The following RNF41 variants were observed in gnomAD, a reference collection of about 807,000 sequenced individuals.
RNF41 encodes E3 ubiquitin-protein ligase NRDP1.
In RNF41, 4 loss-of-function variants were observed where a neutral mutation model predicts 33.0. The observed-to-expected ratio is 0.12, with a 90% CI of 0.06 to 0.28. The LOEUF (loss-of-function observed/expected upper bound fraction) is 0.28. RNF41 is among the 10% of genes least tolerant of loss of function. RNF41 has a pLI of 1.00. For synonymous variants in RNF41, 164 were observed against 153.2 expected, an observed-to-expected ratio of 1.07 and a Z score of -0.52; for missense variants, 228 against 432.6, an observed-to-expected ratio of 0.53 and a Z score of 4.19.
At chr12:56,219,666 T>TCAC (rs1869193004) in intron 1 of RNF41, among the ~76,000 whole-genome samples, 1 of 9,948 alleles carries the variant, frequency 1.0e-4, no homozygotes, top group Non-Finnish European at 1.4e-3. Flanking sequence ...TATATATGTG[T>TCAC]ATATACACGC....
chr12:56,208,436 CTT>C (rs755952939), intron 4 of RNF41, 138 bp from the exon 5 acceptor site: 23 of 784,716 alleles, frequency 2.9e-5, no homozygotes, highest in Admixed American at 1.6e-4. Context: ...AGGCCTCCCT[CTT>C]GTTTATTCCC....
intron 2 of RNF41, among the ~76,000 whole-genome samples, chr12:56,214,476 C>T (rs557763502): frequency 9.3e-4 from 138 of 148,942 alleles, no homozygotes; most frequent in African/African-American, 3.3e-3. Flanking sequence ...GCCGAGATCG[C>T]GCCACTGCAC....
At chr12:56,217,001 G>A (rs185125309) in intron 1 of RNF41, among the ~76,000 whole-genome samples, 340 of 152,078 alleles carry the variant, frequency 2.2e-3, no homozygotes, top group African/African-American at 7.5e-3. Flanking sequence ...TTAGCTGGGC[G>A]AGGTGGCAGG....
Position 56,202,469 on chromosome 12 carries a change from C to T in RNF41, c.*3978G>A, listed in dbSNP as rs1316276958. On this transcript the variant is annotated 3_prime_UTR_variant, in exon 7 of 7. Coordinates refer to ENST00000345093, the MANE Select transcript of RNF41 (RefSeq NM_005785.4). ...TAGGCTTTGTTCCAGCTACTTAACC[C>T]TGCTGTTGTAATGTGAAAGCAGCCA... The T allele has an allele frequency of 6.6e-6, 1 of 152,142 alleles. No individual in the cohort carries two copies. The highest frequency in any genetic ancestry group is 6.6e-5 in the Admixed American group (1 of 15,264). 9.4% of individuals were successfully genotyped at this position (152,142 alleles called of 1,614,324 possible).
intron 4 of RNF41, chr12:56,210,084 T>C (rs1324139537): frequency 5.1e-6 from 3 of 583,108 alleles, no homozygotes; most frequent in East Asian, 2.8e-5. Context: ...ACTAAATTGC[T>C]GTGCCCCTTC....
chr12:56,208,508 C>T (rs1414343877), intron 4 of RNF41: 1 of 455,802 alleles, frequency 2.2e-6, no homozygotes, highest in Non-Finnish European at 3.9e-6. Flanking sequence ...CCTTAAATTT[C>T]TTTCCCCAAT....
At chr12:56,220,730 C>CA (rs113806744) in intron 1 of RNF41, among the ~76,000 whole-genome samples, 2,846 of 82,168 alleles carry the variant, frequency 0.035, 38 homozygotes, top group Admixed American at 0.066. Context: ...GACTCCGTTT[C>CA]AAAAAAAAAA....
intron 1 of RNF41, among the ~76,000 whole-genome samples, chr12:56,219,489 C>A (rs933334905): frequency 2.0e-5 from 3 of 151,546 alleles, no homozygotes; most frequent in African/African-American, 7.3e-5. Context: ...GCCACCGCGC[C>A]CAGCCAATTT....
chr12:56,216,207 C>T (rs1459936970), intron 2 of RNF41, among the ~76,000 whole-genome samples: 1 of 150,922 alleles, frequency 6.6e-6, no homozygotes, highest in Admixed American at 6.6e-5. Context: ...AAAAAAAACA[C>T]ATAAAAACAC....
chr12:56,217,526 C>T (rs572808135), intron 1 of RNF41, among the ~76,000 whole-genome samples: 15 of 151,978 alleles, frequency 9.9e-5, no homozygotes, highest in South Asian at 4.2e-4. Context: ...CCAGCCTAGG[C>T]GACAGAGCAA....
At chr12:56,211,436 A>T (rs1274502) in intron 3 of RNF41, among the ~76,000 whole-genome samples, 3,022 of 151,850 alleles carry the variant, frequency 0.02, 78 homozygotes, top group African/African-American at 0.06. Flanking sequence ...TATAACAATA[A>T]GAGATACAAA....
At chr12:56,217,413 G>A (rs569274551) in intron 1 of RNF41, among the ~76,000 whole-genome samples, 1 of 152,200 alleles carries the variant, frequency 6.6e-6, no homozygotes, top group South Asian at 2.1e-4. Flanking sequence ...CGGGTATGGT[G>A]GCAGATGCCT....
rs979417524 is a variant in RNF41, at chr12:56,205,057, A to T, written c.*1390T>A. On this transcript the variant is annotated 3_prime_UTR_variant, in exon 7 of 7. Coordinates refer to ENST00000345093, the MANE Select transcript of RNF41 (RefSeq NM_005785.4). The stretch of plus-strand genomic sequence containing the variant: ...GTGGGTGAGACACGGCACAGCCTGT[A>T]CTTAGAGATAAAATTTCTGATTTGC... The T allele has an allele frequency of 2.0e-5, 3 of 152,274 alleles. No homozygotes were observed. Among genetic ancestry groups the T allele is most frequent in the Non-Finnish European group, 4.4e-5 (3 of 68,060 alleles). The allele number at this position is 152,274 out of a possible 1,614,324, so 9.4% of individuals were successfully genotyped here.
At chr12:56,210,707 T>C (rs1407566795) in intron 3 of RNF41, 139 bp from the exon 4 acceptor site, 2 of 787,552 alleles carry the variant, frequency 2.5e-6, no homozygotes, top group African/African-American at 3.5e-5. Flanking sequence ...CAGCAAAGTA[T>C]AGATCTACTA....
rs1248227613 is a variant in RNF41, at chr12:56,207,703, C to T, written c.545G>A (p.Ser182Asn). The T allele has an allele frequency of 6.2e-7, 1 of 1,614,218 alleles. No homozygotes were observed. The highest frequency in any genetic ancestry group is 1.3e-5 in the African/African-American group (1 of 75,062). Residue 182 changes from serine (S) to asparagine (N), a missense_variant, in exon 6 of 7, where the codon AGT (serine) becomes AAT (asparagine). Coordinates refer to ENST00000345093, the MANE Select transcript of RNF41 (RefSeq NM_005785.4). ...CAGGTTCTGAAGGTTGGGGTTGACACTGCGGATTGCACGCATGTATGCCTT... is the reference window on the plus strand; with the variant it reads ...CAGGTTCTGAAGGTTGGGGTTGACATTGCGGATTGCACGCATGTATGCCTT... ...LLKAYMRAIR[S>N]VNPNLQNLEE...
intron 4 of RNF41, chr12:56,210,061 A>G (rs996472690): frequency 4.6e-5 from 26 of 560,096 alleles, no homozygotes; most frequent in Middle Eastern, 9.5e-4. Context: ...CTTTAATGTT[A>G]TTACACAAAT....
At chr12:56,209,748 C>T (rs1055627772) in intron 4 of RNF41, among the ~76,000 whole-genome samples, 5 of 152,128 alleles carry the variant, frequency 3.3e-5, no homozygotes, top group East Asian at 1.9e-4. Flanking sequence ...TGAGCCACCG[C>T]GCCCGGCCCC....
intron 3 of RNF41, chr12:56,213,004 C>G: frequency 2.3e-6 from 3 of 1,289,784 alleles, no homozygotes; most frequent in Non-Finnish European, 3.0e-6. Context: ...GCCTGGTAAT[C>G]GTGAGCTTCT....
At chr12:56,213,205 GTTTT>G in intron 3 of RNF41, 2 of 844,734 alleles carry the variant, frequency 2.4e-6, no homozygotes, top group Non-Finnish European at 1.6e-6. Context: ...ATTTGTTTTT[GTTTT>G]TTTTTTTTTG....
Sources: allele counts gnomAD v4.1 joint callset (sites outside exome capture counted in the v4.1 genomes callset), GRCh38; gene constraint gnomAD v4.1.1; transcripts MANE v1.5; gene names NCBI Gene and HGNC (gene_info 2026-07-23, HGNC 2026-07-21).